ZFHX3: variants seen among roughly 807,000 people sequenced by gnomAD.
ZFHX3 encodes the protein zinc finger homeobox 3.
ZFHX3 carries 42 observed loss-of-function variants against 279.1 expected under a neutral mutation model. The ratio of observed to expected loss-of-function variants is 0.15; its 90% confidence interval spans 0.12 to 0.19. The LOEUF (loss-of-function observed/expected upper bound fraction) is 0.19. ZFHX3 is among the 10% of genes least tolerant of loss of function. The pLI is 1.00. For missense variants in ZFHX3, 4,981 were observed against 4,754.0 expected (o/e 1.05, Z -1.40); for synonymous variants, 2,293 against 1,957.8 (o/e 1.17, Z -4.52).
rs766264400 is a variant in ZFHX3 at position 72,957,828 on chromosome 16, G to GCCGCCC, written c.2312_2317dup (p.Gly771_Ala772dup). The GCCGCCC allele has an allele frequency of 1.9e-6, 3 of 1,610,790 alleles. No individual in the cohort carries two copies. The highest frequency in any genetic ancestry group is 1.7e-4 in the Middle Eastern group (1 of 6,048). ...CGCCGCCGCAGCCACCGCCGCCGCC[G>GCCGCCC]CCGCCCCGGCAGTGTGGCTGAAGAC... is the stretch of plus-strand genomic sequence containing the variant. On this transcript the variant is annotated inframe_insertion, in exon 2 of 10. Coordinates refer to ENST00000268489, the MANE Select transcript of ZFHX3 (RefSeq NM_006885.4).
chr16:73,154,937 G>A (rs1028996883), intron 5 of ZFHX3, among the ~76,000 whole-genome samples: 1 of 152,080 alleles, frequency 6.6e-6, no homozygotes, highest in Non-Finnish European at 1.5e-5. Context: ...ACTTTGAGAG[G>A]CTGAGGTGGG....
chr16:72,787,357 G>A lies in ZFHX3; in HGVS notation c.10919C>T (p.Thr3640Met), dbSNP rs1273193703. 2.5e-6 allele frequency: 4 copies of A among 1,612,508 alleles called. No individual in the cohort carries two copies. Among genetic ancestry groups the A allele is most frequent in the Non-Finnish European group, 3.4e-6 (4 of 1,179,036 alleles). The change falls in exon 10 of 10, where the codon ACG becomes ATG. Residue 3640 changes from threonine to methionine, a missense_variant. Physicochemically the swap from Thr to Met is moderately conservative, Grantham distance 81. Around this residue, in one of 7 missense-constraint regions of ZFHX3, gnomAD observed 1,034 missense variants for 786.0 expected, o/e 1.32. Transcript: ENST00000268489. ...PSFPPLSSSSTVTSSSCSTSG... is the reference protein window; with the variant it reads ...PSFPPLSSSSMVTSSSCSTSG... Reference sequence around the variant, plus strand: ...GGTGCTGCATGAACTTGAGGTAACCGTTGAAGATGAGGAGAGAGGAGGAAA... The same window carrying A: ...GGTGCTGCATGAACTTGAGGTAACCATTGAAGATGAGGAGAGAGGAGGAAA...
intron 1 of ZFHX3, among the ~76,000 whole-genome samples, chr16:73,853,369 T>C (rs567759684): frequency 9.2e-5 from 14 of 152,226 alleles, no homozygotes; most frequent in Admixed American, 7.2e-4. Context: ...AAAAGACACC[T>C]CTATGTCACT....
intron 2 of ZFHX3, among the ~76,000 whole-genome samples, chr16:73,553,334 CAAG>C (rs892891873): frequency 7.2e-5 from 11 of 152,124 alleles, no homozygotes; most frequent in African/African-American, 2.2e-4. Context: ...CTAGAGGTCA[CAAG>C]AAGGTCACTA....
intron 1 of ZFHX3, among the ~76,000 whole-genome samples, chr16:73,737,051 T>A (rs547243655): frequency 3.9e-5 from 6 of 152,186 alleles, no homozygotes; most frequent in Non-Finnish European, 7.4e-5. Context: ...TCTTTTTTTT[T>A]AAGACAGGGT....
intron 5 of ZFHX3, among the ~76,000 whole-genome samples, chr16:73,222,555 T>C (rs1023384406): frequency 1.3e-5 from 2 of 152,102 alleles, no homozygotes; most frequent in Middle Eastern, 3.2e-3. Context: ...AAAACTTTGA[T>C]GGAAGATCAA....
intron 1 of ZFHX3, among the ~76,000 whole-genome samples, chr16:73,046,057 T>C (rs549841772): frequency 6.6e-6 from 1 of 152,284 alleles, no homozygotes; most frequent in South Asian, 2.1e-4. Flanking sequence ...GAGAACTCCT[T>C]AGTCCTGTAA....
At chr16:73,816,679 A>G (rs1960582956) in intron 1 of ZFHX3, among the ~76,000 whole-genome samples, 2 of 152,174 alleles carry the variant, frequency 1.3e-5, no homozygotes, top group Non-Finnish European at 2.9e-5. Flanking sequence ...AGGGGTACGG[A>G]CTGAATAGGC....
chr16:73,034,144 C>T (rs1964814092), intron 1 of ZFHX3, among the ~76,000 whole-genome samples: 1 of 151,786 alleles, frequency 6.6e-6, no homozygotes, highest in African/African-American at 2.4e-5. Context: ...GCCTCCATTA[C>T]ACCCCTGATT....
At chr16:72,895,486 A>T (rs1597355608) in intron 3 of ZFHX3, among the ~76,000 whole-genome samples, 1 of 152,110 alleles carries the variant, frequency 6.6e-6, no homozygotes, top group Non-Finnish European at 1.5e-5. Flanking sequence ...ATCTGACTAT[A>T]CTTTTCCTTG....
chr16:73,791,981 T>A (rs1470896071), intron 1 of ZFHX3, among the ~76,000 whole-genome samples: 1 of 152,178 alleles, frequency 6.6e-6, no homozygotes, highest in African/African-American at 2.4e-5. Context: ...GAGCAAGAAC[T>A]TTGTCTAATG....
rs370312282 is a variant in ZFHX3 at position 73,654,856 on chromosome 16, T to C, written c.-1547+25324A>G. Among the ~76,000 whole-genome samples the C allele has an allele frequency of 8.1e-3, 1,095 of 135,976 alleles. 35 individuals are homozygous for C. The highest frequency in any genetic ancestry group is 0.022 in the African/African-American group (820 of 36,464). The allele number at this position is 135,976 out of a possible 152,430, so 89.2% of individuals were successfully genotyped here. A position where few individuals can be genotyped will look rare whatever the true frequency, so the allele number is the denominator to read the frequency against. On this transcript the variant is annotated intron_variant, in intron 2 of 17. Coordinates refer to the ZFHX3 transcript ENST00000641206. ...TCTCTTCTAAACGATAGTAATCACT[T>C]TTTTTTTTTTTTTTTTTTTTTTGAG...
chr16:73,397,215 G>A (rs1223267609), intron 3 of ZFHX3, among the ~76,000 whole-genome samples: 2 of 152,248 alleles, frequency 1.3e-5, no homozygotes, highest in East Asian at 1.9e-4. Flanking sequence ...CTGAGGAGGT[G>A]ACATTTATGA....
chr16:73,191,260 A>T (rs1317570320), intron 5 of ZFHX3, among the ~76,000 whole-genome samples: 1 of 152,108 alleles, frequency 6.6e-6, no homozygotes, highest in Non-Finnish European at 1.5e-5. Flanking sequence ...TCTGGGAGGA[A>T]GTCTTGGCTC....
intron 1 of ZFHX3, among the ~76,000 whole-genome samples, chr16:73,723,095 A>G (rs2053489985): frequency 6.6e-6 from 1 of 152,180 alleles, no homozygotes; most frequent in Non-Finnish European, 1.5e-5. Context: ...AAAGTGGCTC[A>G]ATCCTACTTC....
Position 73,249,824 on chromosome 16 carries a change from T to TCA in ZFHX3, c.-1104+7221_-1104+7222dup, listed in dbSNP as rs143652574. 8.2e-3 allele frequency among the ~76,000 whole-genome samples: 1,220 copies of TCA among 148,774 alleles called. 16 individuals are homozygous for TCA. Among genetic ancestry groups the TCA allele is most frequent in the East Asian group, 0.064 (327 of 5,092 alleles). On this transcript the variant is annotated intron_variant, in intron 5 of 17. Coordinates refer to the ZFHX3 transcript ENST00000641206. The stretch of plus-strand genomic sequence containing the variant: ...TGGGCAAATGAATTGAACAGGCACT[T>TCA]CACACACACACACACACACACACAC...
Position 73,591,619 on chromosome 16 carries a change from G to T in ZFHX3, c.-1547+88561C>A, listed in dbSNP as rs546442780. On this transcript the variant is annotated intron_variant, in intron 2 of 17. Transcript: ENST00000641206. Reference sequence around the variant, plus strand: ...GAGGCAGGAGAATGGTGTGAACCCGGCAGGCAGAGGTTGCAGTGAGCTGAG... The same window carrying T: ...GAGGCAGGAGAATGGTGTGAACCCGTCAGGCAGAGGTTGCAGTGAGCTGAG... Among the ~76,000 whole-genome samples, 110 of 142,308 alleles carry T rather than the reference G, an allele frequency of 7.7e-4. 1 individual carries two copies. In the South Asian group the frequency reaches 8.7e-3, roughly 11 times the overall value. 93.4% of individuals were successfully genotyped at this position (142,308 alleles called of 152,430 possible).
At chr16:73,260,643 T>C (rs1041267812) in intron 4 of ZFHX3, among the ~76,000 whole-genome samples, 2 of 150,924 alleles carry the variant, frequency 1.3e-5, no homozygotes, top group Non-Finnish European at 2.9e-5. Flanking sequence ...AAGATCCGGG[T>C]GCTAGGCATG....
At chr16:73,587,116 C>T (rs1305939710) in intron 2 of ZFHX3, among the ~76,000 whole-genome samples, 2 of 152,090 alleles carry the variant, frequency 1.3e-5, no homozygotes, top group Non-Finnish European at 2.9e-5. Context: ...AAATTATATT[C>T]GAAGAACTGG....
Sources: allele counts gnomAD v4.1 joint callset (sites outside exome capture counted in the v4.1 genomes callset), GRCh38; gene constraint gnomAD v4.1.1; regional missense constraint gnomAD v4.1.1; transcripts MANE v1.5; gene names NCBI Gene and HGNC (gene_info 2026-07-23, HGNC 2026-07-21).